C1orf185: variants seen among roughly 807,000 people sequenced by gnomAD.
C1orf185 encodes the protein chromosome 1 open reading frame 185.
A neutral mutation model predicts 16.1 loss-of-function variants in C1orf185; 13 were observed. The ratio of observed to expected loss-of-function variants is 0.81; its 90% CI spans 0.53 to 1.28. C1orf185 has a LOEUF of 1.28. Ranked by LOEUF, C1orf185 falls within the 50% of genes most tolerant of loss-of-function variation. The pLI is 0.00. For missense variants in C1orf185, 220 were observed against 225.2 expected, an observed-to-expected ratio of 0.98 and a Z score of 0.15; for synonymous variants, 80 against 76.9, an observed-to-expected ratio of 1.04 and a Z score of -0.21.
chr1:51,151,805 C>A (rs188766117), downstream of C1orf185, among the ~76,000 whole-genome samples: 41 of 152,196 alleles, frequency 2.7e-4, 3 homozygotes, highest in African/African-American at 9.6e-4. Flanking sequence ...TTCTCTGCCT[C>A]AGCCTTCCAC....
intron 3 of C1orf185, among the ~76,000 whole-genome samples, chr1:51,120,509 A>G (rs767415533): frequency 4.6e-5 from 7 of 152,202 alleles, no homozygotes; most frequent in Non-Finnish European, 1.0e-4. Flanking sequence ...GTACAATTCT[A>G]CTATTATTTT....
chr1:51,105,443 T>A (rs1646062198), intron 1 of C1orf185, among the ~76,000 whole-genome samples: 1 of 152,190 alleles, frequency 6.6e-6, no homozygotes. Context: ...ACTTTTAAAT[T>A]GAACTTAAAA....
chr1:51,125,349 GAAACA>G (rs1646232652), intron 3 of C1orf185, among the ~76,000 whole-genome samples: 1 of 152,216 alleles, frequency 6.6e-6, no homozygotes, highest in Non-Finnish European at 1.5e-5. Flanking sequence ...GGACTTATAA[GAAACA>G]GGCTTAATCC....
downstream of C1orf185, among the ~76,000 whole-genome samples, chr1:51,150,799 T>C (rs1446206304): frequency 1.3e-5 from 2 of 152,216 alleles, no homozygotes; most frequent in Non-Finnish European, 2.9e-5. Flanking sequence ...TTTTGCATTA[T>C]TTCCTGGGCC....
intron 1 of C1orf185, among the ~76,000 whole-genome samples, chr1:51,106,363 C>T (rs940674776): frequency 6.6e-6 from 1 of 152,048 alleles, no homozygotes; most frequent in African/African-American, 2.4e-5. Flanking sequence ...TGCTATCTCT[C>T]TCCCTATCTC....
At chr1:51,138,294 C>A (rs1472797066) in intron 3 of C1orf185, among the ~76,000 whole-genome samples, 1 of 152,102 alleles carries the variant, frequency 6.6e-6, no homozygotes, top group Non-Finnish European at 1.5e-5. Flanking sequence ...TGATAAAATA[C>A]ACATAACAAA....
In C1orf185 at chr1:51,111,370, C is replaced by CTTTTTTTTTTTTTTTTTTTTTTTTTTT. The variant is rs35232347; in HGVS notation, c.17-1091_17-1090insTTTTTTTTTTTTTTTTTTTTTTTTTTT. 9.1e-4 allele frequency among the ~76,000 whole-genome samples: 104 copies of CTTTTTTTTTTTTTTTTTTTTTTTTTTT among 114,394 alleles called. 13 individuals are homozygous for CTTTTTTTTTTTTTTTTTTTTTTTTTTT. The highest frequency in any genetic ancestry group is 1.3e-3 in the Non-Finnish European group (72 of 55,498). The allele number at this position is 114,394 out of a possible 152,430, so 75.0% of individuals were successfully genotyped here. On this transcript the variant is annotated intron_variant, in intron 1 of 4. Coordinates refer to ENST00000371759, the MANE Select transcript of C1orf185 (RefSeq NM_001136508.2). ...ATATTGCTTTCATTTAGCTTTCTTT[C>CTTTTTTTTTTTTTTTTTTTTTTTTTTT]TTTCTTTTTTTTTTTTTTTGAGAGA... is the stretch of plus-strand genomic sequence containing the variant.
At position 51,118,651 on chromosome 1, in the gene C1orf185, T is replaced by C; in HGVS notation, c.123-15T>C. On this transcript the variant is annotated splice_polypyrimidine_tract_variant and intron_variant, in intron 2 of 4. Transcript: ENST00000371759. ...AACTCAGGTTTAATAATATTCTTTA[T>C]AAAATATTTTTCAGAGAAATATTTC... is the stretch of plus-strand genomic sequence containing the variant. 1 of 1,309,220 alleles carries C rather than the reference T, an allele frequency of 7.6e-7. No homozygotes were observed. The highest frequency in any genetic ancestry group is 1.0e-6 in the Non-Finnish European group (1 of 985,880). 81.1% of individuals were successfully genotyped at this position (1,309,220 alleles called of 1,614,324 possible).
intron 2 of C1orf185, 99 bp downstream of exon 2, chr1:51,112,668 T>C: frequency 8.9e-7 from 1 of 1,122,996 alleles, no homozygotes; most frequent in Non-Finnish European, 1.2e-6. Context: ...TATGATAGTA[T>C]TGATTGTTTA....
chr1:51,145,638 C>G, intron 3 of C1orf185, 86 bp from the exon 4 acceptor site: 1 of 631,950 alleles, frequency 1.6e-6, no homozygotes, highest in South Asian at 3.1e-5. Flanking sequence ...TAATGTTAAA[C>G]TGTATTACTC....
intron 3 of C1orf185, 85 bp from the exon 4 acceptor site, chr1:51,145,639 T>C (rs1166698177): frequency 1.6e-6 from 1 of 641,820 alleles, no homozygotes; most frequent in South Asian, 3.0e-5. Context: ...AATGTTAAAC[T>C]GTATTACTCT....
intron 1 of C1orf185, among the ~76,000 whole-genome samples, chr1:51,103,138 G>A (rs1234278286): frequency 6.6e-6 from 1 of 151,828 alleles, no homozygotes; most frequent in Non-Finnish European, 1.5e-5. Context: ...AGGTACAGTG[G>A]CTCTCACTTG....
At chr1:51,128,370 T>C (rs1347886041) in intron 3 of C1orf185, among the ~76,000 whole-genome samples, 1 of 152,136 alleles carries the variant, frequency 6.6e-6, no homozygotes, top group Non-Finnish European at 1.5e-5. Context: ...TATGGTGGTG[T>C]TATTAGTATT....
intron 1 of C1orf185, among the ~76,000 whole-genome samples, chr1:51,111,185 G>GA (rs957601553): frequency 3.6e-4 from 54 of 149,216 alleles, no homozygotes; most frequent in East Asian, 1.2e-3. Context: ...AAGATAATAG[G>GA]AAAAAAAAAC....
At chr1:51,113,101 G>A (rs891431383) in intron 2 of C1orf185, among the ~76,000 whole-genome samples, 2 of 151,918 alleles carry the variant, frequency 1.3e-5, no homozygotes, top group African/African-American at 4.8e-5. Context: ...TTACAGGCAT[G>A]AGCCACCACA....
Position 51,147,840 on chromosome 1 carries a change from T to C in C1orf185, c.*69T>C. ...AACACAGAGGTTGAAATATAAAACC[T>C]TCAACATAATACTGAATGACTTTTT... is the stretch of plus-strand genomic sequence containing the variant. On this transcript the variant is annotated 3_prime_UTR_variant, in exon 5 of 5. Transcript: ENST00000371759. The C allele has an allele frequency of 7.6e-7, 1 of 1,313,464 alleles. No individual in the cohort carries two copies. Among genetic ancestry groups the C allele is most frequent in the Middle Eastern group, 2.1e-4 (1 of 4,764 alleles). 81.4% of individuals were successfully genotyped at this position (1,313,464 alleles called of 1,614,324 possible). A position where few individuals can be genotyped will look rare whatever the true frequency, so the allele number is the denominator to read the frequency against.
intron 1 of C1orf185, among the ~76,000 whole-genome samples, chr1:51,104,005 C>T (rs1373087244): frequency 6.6e-6 from 1 of 152,122 alleles, no homozygotes; most frequent in African/African-American, 2.4e-5. Context: ...AAGCAGACAC[C>T]AACTATAAAT....
chr1:51,110,007 A>G (rs1646104620), intron 1 of C1orf185, among the ~76,000 whole-genome samples: 1 of 152,102 alleles, frequency 6.6e-6, no homozygotes, highest in African/African-American at 2.4e-5. Context: ...TCTATACTTA[A>G]CTGTTTTTCT....
Position 51,147,467 on chromosome 1 carries a change from C to A in C1orf185, c.296C>A (p.Ala99Glu). The A allele has an allele frequency of 1.3e-6, 2 of 1,513,798 alleles. No homozygotes were observed. Among genetic ancestry groups the A allele is most frequent in the Non-Finnish European group, 1.8e-6 (2 of 1,131,492 alleles). The allele number at this position is 1,513,798 out of a possible 1,614,324, so 93.8% of individuals were successfully genotyped here. A position where few individuals can be genotyped will look rare whatever the true frequency, so the allele number is the denominator to read the frequency against. The stretch of plus-strand genomic sequence containing the variant: ...ATTCATAGTAAATCTGTTTTTACAG[C>A]AATTAAAGATCATTCTAAAGATGAA... Reference protein sequence around the residue: ...QRKKEAAHIKAIKDHSKDEPQ... With the variant: ...QRKKEAAHIKEIKDHSKDEPQ... The change falls in exon 5 of 5, where the codon GCA becomes GAA. Residue 99 changes from alanine (A) to glutamate (E), a missense_variant and splice_region_variant. Physicochemically the swap from Ala to Glu is moderately radical, Grantham distance 107. Transcript: ENST00000371759.
Sources: gnomAD v4.1 joint callset for allele counts (sites outside exome capture counted in the v4.1 genomes callset) on GRCh38, gnomAD v4.1.1 for gene constraint, MANE v1.5 for transcripts, NCBI Gene and HGNC (gene_info 2026-07-23, HGNC 2026-07-21) for gene names.